The following SP140L variants were observed in gnomAD, a reference collection of about 807,000 sequenced individuals.
SP140L encodes nuclear body protein SP140-like protein.
In SP140L, 64 loss-of-function variants were observed where a neutral mutation model predicts 84.3. The ratio of observed to expected loss-of-function variants is 0.76; its 90% CI spans 0.62 to 0.94. The LOEUF (loss-of-function observed/expected upper bound fraction) is 0.94. SP140L is among the 40% of genes least tolerant of loss of function. The pLI is 0.00. For missense variants in SP140L, 628 were observed against 692.5 expected, an observed-to-expected ratio of 0.91 and a Z score of 1.05; for synonymous variants, 242 against 236.9, an observed-to-expected ratio of 1.02 and a Z score of -0.20.
intron 8 of SP140L, among the ~76,000 whole-genome samples, chr2:230,384,658 A>G (rs141379520): frequency 1.2e-4 from 19 of 152,294 alleles, no homozygotes; most frequent in Non-Finnish European, 2.5e-4. Context: ...CATGCCTGTA[A>G]CCCCAACACT....
chr2:230,357,994 G>T, intron 3 of SP140L, 27 bp downstream of exon 3: 1 of 1,609,692 alleles, frequency 6.2e-7, no homozygotes, highest in Non-Finnish European at 8.5e-7. Context: ...TCACAACCTG[G>T]CAGATATGCT....
At chr2:230,366,551 GT>G (rs961281579) in intron 5 of SP140L, among the ~76,000 whole-genome samples, 19 of 150,262 alleles carry the variant, frequency 1.3e-4, no homozygotes, top group East Asian at 3.9e-4. Flanking sequence ...AGATACTTGA[GT>G]TTTTTTTTAT....
chr2:230,335,151 T>A (rs1189067345), intron 2 of SP140L, among the ~76,000 whole-genome samples: 1 of 152,168 alleles, frequency 6.6e-6, no homozygotes, highest in Non-Finnish European at 1.5e-5. Flanking sequence ...CCATTACTCT[T>A]ATTTTTTGTT....
At chr2:230,356,238 T>C (rs577566099) in intron 2 of SP140L, among the ~76,000 whole-genome samples, 1 of 152,302 alleles carries the variant, frequency 6.6e-6, no homozygotes, top group East Asian at 1.9e-4. Flanking sequence ...GACCCAGTAA[T>C]TCCATTCCCA....
intron 7 of SP140L, among the ~76,000 whole-genome samples, chr2:230,381,712 A>C (rs1306610407): frequency 1.6e-3 from 4 of 2,504 alleles, no homozygotes; most frequent in South Asian, 0.014. Flanking sequence ...CTGTCTCTCT[A>C]CACACACACA....
chr2:230,347,926 C>A (rs949483560), intron 2 of SP140L, among the ~76,000 whole-genome samples: 1 of 152,222 alleles, frequency 6.6e-6, no homozygotes, highest in African/African-American at 2.4e-5. Flanking sequence ...GCATGGTGAT[C>A]CATGCACTGG....
Position 230,400,997 on chromosome 2 carries a change from G to C in SP140L, c.1356G>C (p.Pro452=). Residue 452 remains proline (P), a synonymous_variant, in exon 16 of 19, where the codon CCG becomes CCC. Coordinates refer to ENST00000415673, the MANE Select transcript of SP140L (RefSeq NM_138402.6). The part of the protein sequence containing the change: ...NCIFCRMKES[P]GSQQCCQESE... ...TCTTCTGCAGGATGAAGGAGTCTCC[G>C]GGAAGCCAACAGTGTTGTCAGGAAT... 1 of 1,528,190 alleles carries C rather than the reference G, an allele frequency of 6.5e-7. No individual in the cohort carries two copies. Among genetic ancestry groups the C allele is most frequent in the Non-Finnish European group, 8.9e-7 (1 of 1,123,122 alleles). The allele number at this position is 1,528,190 out of a possible 1,614,324, so 94.7% of individuals were successfully genotyped here.
At chr2:230,374,085 G>A (rs1480678556) in intron 7 of SP140L, among the ~76,000 whole-genome samples, 1 of 152,182 alleles carries the variant, frequency 6.6e-6, no homozygotes, top group Non-Finnish European at 1.5e-5. Flanking sequence ...GGAGGCCAAG[G>A]CGGGCAGATC....
chr2:230,379,846 A>G (rs954150163), intron 7 of SP140L, among the ~76,000 whole-genome samples: 1 of 152,210 alleles, frequency 6.6e-6, no homozygotes, highest in Non-Finnish European at 1.5e-5. Flanking sequence ...TTTTTGGTAA[A>G]TATTCTGTCC....
intron 11 of SP140L, among the ~76,000 whole-genome samples, chr2:230,390,755 A>G (rs1387138352): frequency 1.3e-5 from 2 of 152,136 alleles, no homozygotes; most frequent in East Asian, 3.9e-4. Flanking sequence ...GTAACTCACC[A>G]CTTAGAGTAT....
At chr2:230,341,899 G>C (rs1159094551) in intron 2 of SP140L, among the ~76,000 whole-genome samples, 2 of 152,026 alleles carry the variant, frequency 1.3e-5, no homozygotes, top group Non-Finnish European at 2.9e-5. Flanking sequence ...CTTCAAAGCT[G>C]TCAGACAGGG....
At chr2:230,328,253 A>G (rs879887690) in intron 1 of SP140L, among the ~76,000 whole-genome samples, 28 of 152,236 alleles carry the variant, frequency 1.8e-4, no homozygotes, top group Admixed American at 1.8e-3. Flanking sequence ...TAAACGAAAA[A>G]GTCTTCTTCA....
chr2:230,373,453 C>G (rs1447559402), intron 7 of SP140L, among the ~76,000 whole-genome samples: 4 of 152,162 alleles, frequency 2.6e-5, no homozygotes, highest in African/African-American at 9.7e-5. Flanking sequence ...AGTCCTAGGG[C>G]CCTTAAGAAT....
chr2:230,350,183 A>T (rs2149712496), intron 2 of SP140L, among the ~76,000 whole-genome samples: 1 of 152,326 alleles, frequency 6.6e-6, no homozygotes, highest in Admixed American at 6.5e-5. Flanking sequence ...TAGTCGTTTC[A>T]TGCCTTCCCT....
intron 7 of SP140L, among the ~76,000 whole-genome samples, chr2:230,377,394 A>T (rs563422949): frequency 1.3e-5 from 2 of 152,194 alleles, no homozygotes; most frequent in African/African-American, 2.4e-5. Context: ...GAATTCATAC[A>T]GTATTGAATT....
intron 11 of SP140L, among the ~76,000 whole-genome samples, chr2:230,390,875 T>TCAATGCCCATTCCCACCTCACCC: frequency 6.6e-6 from 1 of 152,226 alleles, no homozygotes; most frequent in Non-Finnish European, 1.5e-5. Context: ...CAATTAGTAG[T>TCAATGCCCATTCCCACCTCACCC]CAATGCCCAT....
chr2:230,359,422 A>G (rs939951611), intron 4 of SP140L, among the ~76,000 whole-genome samples: 10 of 152,204 alleles, frequency 6.6e-5, no homozygotes, highest in African/African-American at 1.9e-4. Flanking sequence ...GGGCAGCATC[A>G]GTTGTTTCTT....
At chr2:230,360,136 GA>G (rs1306461835) in intron 4 of SP140L, among the ~76,000 whole-genome samples, 1 of 152,180 alleles carries the variant, frequency 6.6e-6, no homozygotes, top group African/African-American at 2.4e-5. Context: ...CCAAATAAGA[GA>G]TAGAGACATC....
intron 2 of SP140L, among the ~76,000 whole-genome samples, chr2:230,337,507 C>A (rs2059913921): frequency 6.6e-6 from 1 of 151,026 alleles, no homozygotes; most frequent in African/African-American, 2.4e-5. Context: ...AATTAGATCC[C>A]ATTTGTCAAT....
Sources: gnomAD v4.1 joint callset for allele counts (sites outside exome capture counted in the v4.1 genomes callset) on GRCh38, gnomAD v4.1.1 for gene constraint, MANE v1.5 for transcripts, NCBI Gene and HGNC (gene_info 2026-07-23, HGNC 2026-07-21) for gene names.